The following LDLRAD3 variants were observed in gnomAD, a reference collection of about 807,000 sequenced individuals.
LDLRAD3 encodes low density lipoprotein receptor class A domain containing 3, also known as low-density lipoprotein receptor class A domain-containing protein 3.
LDLRAD3 carries 20 observed loss-of-function variants against 29.4 expected under a neutral mutation model. The ratio of observed to expected loss-of-function variants is 0.68; its 90% CI spans 0.48 to 0.99. LDLRAD3 has a LOEUF of 0.99. Among genes scored for constraint, LDLRAD3 ranks in the 50% least tolerant of loss-of-function variants. The pLI, the probability that LDLRAD3 is intolerant of heterozygous loss-of-function variation, is 0.00. For synonymous variants in LDLRAD3, 157 were observed against 192.7 expected, an observed-to-expected ratio of 0.81 and a Z score of 1.53; for missense variants, 420 against 454.3, an observed-to-expected ratio of 0.92 and a Z score of 0.69.
At chr11:36,148,906 G>A (rs1042995036) in intron 4 of LDLRAD3, among the ~76,000 whole-genome samples, 2 of 152,208 alleles carry the variant, frequency 1.3e-5, no homozygotes, top group Non-Finnish European at 2.9e-5. Context: ...ACAGATGGTG[G>A]TGGCAGCTGC....
At chr11:36,108,371 T>TTAAAATG (rs1853562036) in intron 4 of LDLRAD3, among the ~76,000 whole-genome samples, 3 of 140,884 alleles carry the variant, frequency 2.1e-5, no homozygotes. Flanking sequence ...TTTCAGAATG[T>TTAAAATG]TAAAATGTAA....
chr11:36,227,108 G>A lies in LDLRAD3; in HGVS notation c.478G>A (p.Val160Met), dbSNP rs965258527. Residue 160 changes from valine to methionine, a missense_variant, in exon 5 of 6, where the codon GTG becomes ATG. By Grantham distance (21) the Val-to-Met change is conservative. Coordinates refer to ENST00000315571, the MANE Select transcript of LDLRAD3 (RefSeq NM_174902.4). ...AGAACCCGGCAGTGGGCAGGTGTTT[G>A]TGACTTCAGAGAACCAACTTGTGTA... ...SQEPGSGQVF[V>M]TSENQLVYYP... 2 of 1,599,630 alleles carry A rather than the reference G, an allele frequency of 1.3e-6. No individual in the cohort carries two copies. Among genetic ancestry groups the A allele is most frequent in the African/African-American group, 1.3e-5 (1 of 74,686 alleles).
At chr11:36,185,064 A>C (rs1854826093) in intron 4 of LDLRAD3, among the ~76,000 whole-genome samples, 1 of 152,116 alleles carries the variant, frequency 6.6e-6, no homozygotes, top group Non-Finnish European at 1.5e-5. Context: ...TTTTTTCCCC[A>C]GTAGGGGAGA....
At chr11:36,179,891 G>T (rs1314508671) in intron 4 of LDLRAD3, among the ~76,000 whole-genome samples, 1 of 152,096 alleles carries the variant, frequency 6.6e-6, no homozygotes, top group Non-Finnish European at 1.5e-5. Flanking sequence ...CTAGCTACTT[G>T]GGAGGCTGAG....
chr11:36,093,757 A>G (rs1007075357), intron 3 of LDLRAD3, among the ~76,000 whole-genome samples: 1 of 152,136 alleles, frequency 6.6e-6, no homozygotes, highest in Non-Finnish European at 1.5e-5. Context: ...TGAAGGGTGA[A>G]TGGGGGTAGA....
intron 1 of LDLRAD3, among the ~76,000 whole-genome samples, chr11:35,958,806 AC>A (rs1269092162): frequency 6.6e-6 from 1 of 152,120 alleles, no homozygotes; most frequent in Non-Finnish European, 1.5e-5. Flanking sequence ...GGAGAGTGTT[AC>A]CTAGGGGGTG....
intron 1 of LDLRAD3, among the ~76,000 whole-genome samples, chr11:36,024,728 G>C (rs1235209135): frequency 6.6e-6 from 1 of 152,300 alleles, no homozygotes; most frequent in South Asian, 2.1e-4. Context: ...CAAAAGCCAG[G>C]GGGCCCTACC....
Position 36,137,046 on chromosome 11 carries a change from G to GA in LDLRAD3, c.454+38587dup, listed in dbSNP as rs562688185. On this transcript the variant is annotated intron_variant, in intron 4 of 5. Coordinates refer to ENST00000315571, the MANE Select transcript of LDLRAD3 (RefSeq NM_174902.4). ...CAGGTATTTCTTTATAGCAATGCAA[G>GA]AACAGCCTAACACAGTTACCCAAAG... is the stretch of plus-strand genomic sequence containing the variant. 2.6e-5 allele frequency among the ~76,000 whole-genome samples: 4 copies of GA among 152,200 alleles called. No individual in the cohort carries two copies. In the South Asian group the frequency reaches 6.2e-4, roughly 24 times the overall value.
At chr11:35,946,798 T>C (rs1018748479) in intron 1 of LDLRAD3, among the ~76,000 whole-genome samples, 5 of 152,208 alleles carry the variant, frequency 3.3e-5, no homozygotes, top group African/African-American at 1.2e-4. Context: ...AAAGATCTGC[T>C]TAACGGTGTG....
At chr11:35,965,015 G>T (rs1851321764) in intron 1 of LDLRAD3, among the ~76,000 whole-genome samples, 1 of 149,834 alleles carries the variant, frequency 6.7e-6, no homozygotes, top group Non-Finnish European at 1.5e-5. Context: ...GTGTTGAGAA[G>T]AGTTGAGCTG....
intron 2 of LDLRAD3, among the ~76,000 whole-genome samples, chr11:36,037,982 G>A (rs865826201): frequency 2.0e-5 from 3 of 152,040 alleles, no homozygotes; most frequent in Admixed American, 6.6e-5. Flanking sequence ...CTGCAGCCTC[G>A]ACCTCCTGGA....
chr11:35,945,425 C>T (rs773381695), intron 1 of LDLRAD3, among the ~76,000 whole-genome samples: 1 of 152,216 alleles, frequency 6.6e-6, no homozygotes, highest in Non-Finnish European at 1.5e-5. Flanking sequence ...CATTTAGATG[C>T]TTATGGGTTT....
intron 4 of LDLRAD3, among the ~76,000 whole-genome samples, chr11:36,218,122 A>G (rs1855377435): frequency 6.6e-6 from 1 of 152,202 alleles, no homozygotes; most frequent in Non-Finnish European, 1.5e-5. Context: ...CTGCCAGGAT[A>G]ATTATGGTGA....
intron 4 of LDLRAD3, among the ~76,000 whole-genome samples, chr11:36,106,195 G>C (rs1420530661): frequency 6.6e-6 from 1 of 152,160 alleles, no homozygotes. Flanking sequence ...TGCTTGGTTA[G>C]GAGGACACCT....
chr11:36,140,992 T>TTCTCTCCCTCTCTCTC (rs1554967881), intron 4 of LDLRAD3, among the ~76,000 whole-genome samples: 9 of 110,056 alleles, frequency 8.2e-5, no homozygotes, highest in Admixed American at 1.1e-4. Context: ...CTGTTGAGCT[T>TTCTCTCCCTCTCTCTC]TCTCTCTCTC....
intron 4 of LDLRAD3, among the ~76,000 whole-genome samples, chr11:36,140,354 G>A (rs900812078): frequency 1.3e-5 from 2 of 152,196 alleles, no homozygotes; most frequent in Non-Finnish European, 2.9e-5. Context: ...CTCATTGTTG[G>A]TAATGATGAA....
intron 1 of LDLRAD3, among the ~76,000 whole-genome samples, chr11:36,000,808 G>T (rs1851814261): frequency 6.6e-6 from 1 of 152,118 alleles, no homozygotes; most frequent in African/African-American, 2.4e-5. Context: ...GGAGAGGGAA[G>T]GAGCTTGGGG....
intron 4 of LDLRAD3, among the ~76,000 whole-genome samples, chr11:36,212,310 T>C (rs908456089): frequency 6.6e-6 from 1 of 152,048 alleles, no homozygotes; most frequent in African/African-American, 2.4e-5. Flanking sequence ...CTGTCTCTCA[T>C]TGGCTTCTGC....
intron 1 of LDLRAD3, among the ~76,000 whole-genome samples, chr11:35,965,354 T>G (rs1851326833): frequency 6.6e-6 from 1 of 152,258 alleles, no homozygotes; most frequent in Non-Finnish European, 1.5e-5. Context: ...TTTCTACTTT[T>G]GTTGCTAACC....
Sources: gnomAD v4.1 joint callset for allele counts (sites outside exome capture counted in the v4.1 genomes callset) on GRCh38, gnomAD v4.1.1 for gene constraint, MANE v1.5 for transcripts, NCBI Gene and HGNC (gene_info 2026-07-23, HGNC 2026-07-21) for gene names.